Variants in HDGF observed in about 807,000 individuals in gnomAD.
HDGF encodes heparin binding growth factor.
HDGF carries 5 observed loss-of-function variants against 30.0 expected under a neutral mutation model. The ratio of observed to expected loss-of-function variants is 0.17; its 90% CI spans 0.09 to 0.35. The LOEUF (loss-of-function observed/expected upper bound fraction) is 0.35. Among genes scored for constraint, HDGF ranks in the 10% least tolerant of loss-of-function variants. The probability of loss-of-function intolerance (pLI) is 1.00; values close to 1 mark genes in which losing one functional copy is unlikely to be tolerated. For missense variants in HDGF, 214 were observed against 302.8 expected, an observed-to-expected ratio of 0.71 and a Z score of 2.18; for synonymous variants, 133 against 112.7, an observed-to-expected ratio of 1.18 and a Z score of -1.14.
In HDGF at chr1:156,759,552, G is replaced by A. The variant is rs1001025727; in HGVS notation, n.137-333C>T. On this transcript the variant is annotated intron_variant and non_coding_transcript_variant, in intron 1 of 7. Transcript: ENST00000465180. Reference sequence around the variant, plus strand: ...GCTGGAGTGCAGTGGCGCGTTTTCCGCTCACTGCAACCTCCGCCTCCCAGG... The same window carrying A: ...GCTGGAGTGCAGTGGCGCGTTTTCCACTCACTGCAACCTCCGCCTCCCAGG... Among the ~76,000 whole-genome samples, 5 of 139,674 alleles carry A rather than the reference G, an allele frequency of 3.6e-5. No individual in the cohort carries two copies. In the East Asian group the frequency reaches 6.2e-4, roughly 17 times the overall value. 91.6% of individuals were successfully genotyped at this position (139,674 alleles called of 152,430 possible). A position where few individuals can be genotyped will look rare whatever the true frequency, so the allele number is the denominator to read the frequency against.
chr1:156,758,603 AT>A lies in HDGF; in HGVS notation n.373+379del, dbSNP rs1199563940. Among the ~76,000 whole-genome samples, 128 of 23,922 alleles carry A rather than the reference AT, an allele frequency of 5.4e-3. 11 individuals carry two copies. Among genetic ancestry groups the A allele is most frequent in the African/African-American group, 0.012 (110 of 9,058 alleles). The allele number at this position is 23,922 out of a possible 152,430, so 15.7% of individuals were successfully genotyped here. ...GCGAGACTCCGTCTCAAAAAAAAAA[AT>A]AAATAAATAAATAAATAAAAAAAAT... is the stretch of plus-strand genomic sequence containing the variant. On this transcript the variant is annotated intron_variant and non_coding_transcript_variant, in intron 2 of 7. Coordinates refer to the HDGF transcript ENST00000465180.
At chr1:156,749,393 C>A (rs1303062245) in intron 1 of HDGF, among the ~76,000 whole-genome samples, 1 of 152,230 alleles carries the variant, frequency 6.6e-6, no homozygotes, top group African/African-American at 2.4e-5. Flanking sequence ...GAGGTCTGTT[C>A]TTTTGGAGTA....
At chr1:156,749,854 C>T (rs1032490646) in intron 1 of HDGF, among the ~76,000 whole-genome samples, 1 of 152,328 alleles carries the variant, frequency 6.6e-6, no homozygotes, top group African/African-American at 2.4e-5. Context: ...GAGGTAGGAA[C>T]AGTAGAGACC....
At chr1:156,761,630 C>A (rs1651249554) in intron 1 of HDGF, among the ~76,000 whole-genome samples, 2 of 132,592 alleles carry the variant, frequency 1.5e-5, no homozygotes, top group Admixed American at 7.8e-5. Flanking sequence ...AAACAAAAAA[C>A]AAAAAAAAAA....
At chr1:156,743,617 A>G (rs1650280909) in intron 5 of HDGF, 35 bp downstream of exon 5, 1 of 1,555,308 alleles carries the variant, frequency 6.4e-7, no homozygotes, top group African/African-American at 1.4e-5. Context: ...GGTCCCCCCT[A>G]GTCCAGCTGC....
chr1:156,752,042 G>A (rs537650382), upstream of HDGF: 6 of 1,551,168 alleles, frequency 3.9e-6, no homozygotes, highest in African/African-American at 6.8e-5. Flanking sequence ...GCTCACCACC[G>A]CGGCCCCAGC....
At chr1:156,764,000 C>T (rs544618947) in intron 1 of HDGF, among the ~76,000 whole-genome samples, 4 of 152,012 alleles carry the variant, frequency 2.6e-5, no homozygotes, top group South Asian at 2.1e-4. Context: ...CAGGCTCAAG[C>T]GATCCTCCTC....
At chr1:156,762,266 G>A (rs1305614963) in intron 1 of HDGF, among the ~76,000 whole-genome samples, 1 of 150,930 alleles carries the variant, frequency 6.6e-6, no homozygotes, top group African/African-American at 2.4e-5. Flanking sequence ...AAAACAGGCC[G>A]AGCATGGTGG....
At chr1:156,749,711 G>C (rs1487584044) in intron 1 of HDGF, among the ~76,000 whole-genome samples, 1 of 152,212 alleles carries the variant, frequency 6.6e-6, no homozygotes, top group East Asian at 1.9e-4. Context: ...ACAGGGGCCA[G>C]TGTGGGTCCT....
chr1:156,751,521 G>A lies in HDGF; in HGVS notation c.-92C>T. ...GGCGGTGGCGGCGCCGCTCCGCTCCGGCCCTCGCGCGGCCCCCGCCTCGAT... is the reference window on the plus strand; with the variant it reads ...GGCGGTGGCGGCGCCGCTCCGCTCCAGCCCTCGCGCGGCCCCCGCCTCGAT... On this transcript the variant is annotated 5_prime_UTR_variant, in exon 1 of 6. Coordinates refer to ENST00000357325, the MANE Select transcript of HDGF (RefSeq NM_004494.3). This position sits in a 1 kb window ranked among gnomAD's most constrained non-coding sequence, Gnocchi z 4.7. 9.4e-7 allele frequency: 1 copy of A among 1,069,510 alleles called. No homozygotes were observed. The highest frequency in any genetic ancestry group is 1.1e-6 in the Non-Finnish European group (1 of 881,196). 66.3% of individuals were successfully genotyped at this position (1,069,510 alleles called of 1,614,324 possible). A position where few individuals can be genotyped will look rare whatever the true frequency, so the allele number is the denominator to read the frequency against.
Position 156,742,727 on chromosome 1 carries a change from TG to T in HDGF, c.*721del. ...CAGATGCTCAACACTCCCACCCAAA[TG>T]GGTAAAGTCAACCCTTCAGGTCTCA... On this transcript the variant is annotated 3_prime_UTR_variant, in exon 6 of 6. Transcript: ENST00000357325. 6.5e-6 allele frequency: 1 copy of T among 154,760 alleles called. No individual in the cohort carries two copies. The highest frequency in any genetic ancestry group is 2.4e-5 in the African/African-American group (1 of 41,590). The allele number at this position is 154,760 out of a possible 1,614,324, so 9.6% of individuals were successfully genotyped here. A position where few individuals can be genotyped will look rare whatever the true frequency, so the allele number is the denominator to read the frequency against.
intron 3 of HDGF, 100 bp from the exon 4 acceptor site, chr1:156,744,448 C>T (rs1195851336): frequency 7.6e-6 from 12 of 1,583,010 alleles, no homozygotes; most frequent in Non-Finnish European, 1.0e-5. Flanking sequence ...CTTTTCCCGC[C>T]TCTCCCCCAC....
chr1:156,760,620 G>A (rs993117996), intron 1 of HDGF, among the ~76,000 whole-genome samples: 1 of 152,170 alleles, frequency 6.6e-6, no homozygotes, highest in African/African-American at 2.4e-5. Context: ...GGCCCTGGAT[G>A]AGTGTTGGGG....
chr1:156,744,856 T>G, intron 3 of HDGF, 152 bp downstream of exon 3: 1 of 878,680 alleles, frequency 1.1e-6, no homozygotes, highest in Non-Finnish European at 1.8e-6. Flanking sequence ...TATCCCTTCT[T>G]GCAGGAAGCC....
chr1:156,752,460 G>A, upstream of HDGF: 1 of 1,152,038 alleles, frequency 8.7e-7, no homozygotes, highest in Non-Finnish European at 1.3e-6. Context: ...GTCGGTTACG[G>A]TAGAATGCCA....
intron 2 of HDGF, among the ~76,000 whole-genome samples, chr1:156,757,736 C>G (rs555647047): frequency 2.6e-3 from 377 of 145,652 alleles, no homozygotes; most frequent in Non-Finnish European, 4.2e-3. Flanking sequence ...GAGGTTGCAA[C>G]GAGCCAAGAT....
Position 156,745,369 on chromosome 1 carries a change from T to C in HDGF, c.92A>G (p.Asp31Gly). The change falls in exon 2 of 6, where the codon GAC becomes GGC. Residue 31 changes from aspartate (D) to glycine (G), a missense_variant. Coordinates refer to ENST00000357325, the MANE Select transcript of HDGF (RefSeq NM_004494.3). ...TTTCACGGCAGCCTCAGGCATCTCG[T>C]CAATCTGGGGTGAGATGAGGGGGTG... ...KGYPHWPARIDEMPEAAVKST... is the reference protein window; with the variant it reads ...KGYPHWPARIGEMPEAAVKST... The C allele has an allele frequency of 6.2e-7, 1 of 1,613,580 alleles. No individual in the cohort carries two copies. The highest frequency in any genetic ancestry group is 8.5e-7 in the Non-Finnish European group (1 of 1,179,778).
At chr1:156,756,451 G>A (rs1375106474), upstream of HDGF, among the ~76,000 whole-genome samples, 1 of 152,196 alleles carries the variant, frequency 6.6e-6, no homozygotes, top group African/African-American at 2.4e-5. Context: ...ACCACAGTGG[G>A]TGAGGGTGTT....
upstream of HDGF, among the ~76,000 whole-genome samples, chr1:156,753,255 CAG>C (rs928488574): frequency 5.9e-5 from 9 of 152,154 alleles, no homozygotes; most frequent in Non-Finnish European, 1.2e-4. Context: ...GCTGCTGGCA[CAG>C]GGGGGCATTC....
Sources: gnomAD v4.1 joint callset for allele counts (sites outside exome capture counted in the v4.1 genomes callset) on GRCh38, gnomAD v4.1.1 for gene constraint, Gnocchi (gnomAD v3.1) non-coding constraint, MANE v1.5 for transcripts, NCBI Gene and HGNC (gene_info 2026-07-23, HGNC 2026-07-21) for gene names.